Variants in PIEZO2 observed in about 807,000 individuals in gnomAD.
PIEZO2 encodes the protein piezo type mechanosensitive ion channel component 2, also known as piezo-type mechanosensitive ion channel component 2.
Under a neutral mutation model 337.3 loss-of-function variants are expected in PIEZO2, and 172 were observed. The ratio of observed to expected loss-of-function variants is 0.51; its 90% CI spans 0.45 to 0.58. The LOEUF (loss-of-function observed/expected upper bound fraction) is 0.58, where lower values mean the gene tolerates loss of function less well. Among genes scored for constraint, PIEZO2 ranks in the 20% least tolerant of loss-of-function variants. The pLI, the probability that PIEZO2 is intolerant of heterozygous loss-of-function variation, is 0.00. For synonymous variants in PIEZO2, 1,251 were observed against 1,228.5 expected, an observed-to-expected ratio of 1.02 and a Z score of -0.38; for missense variants, 3,028 against 3,391.3, an observed-to-expected ratio of 0.89 and a Z score of 2.66.
At chr18:10,823,884 G>A (rs772571025) in intron 7 of PIEZO2, among the ~76,000 whole-genome samples, 4 of 152,086 alleles carry the variant, frequency 2.6e-5, no homozygotes, top group Admixed American at 6.6e-5. Context: ...GCACATATTC[G>A]CATTCTGCCA....
chr18:11,093,276 A>C (rs1192026170), intron 1 of PIEZO2, among the ~76,000 whole-genome samples: 2 of 152,206 alleles, frequency 1.3e-5, no homozygotes, highest in Non-Finnish European at 2.9e-5. Context: ...ATCCCCAGCC[A>C]ACACCCTACA....
intron 1 of PIEZO2, among the ~76,000 whole-genome samples, chr18:11,135,286 A>C (rs2040449699): frequency 6.6e-6 from 1 of 152,208 alleles, no homozygotes; most frequent in Non-Finnish European, 1.5e-5. Flanking sequence ...AACAAACGCC[A>C]GGGCTATTTT....
At chr18:10,757,405 T>C (rs552992026) in intron 27 of PIEZO2, among the ~76,000 whole-genome samples, 1 of 137,104 alleles carries the variant, frequency 7.3e-6, no homozygotes, top group South Asian at 2.4e-4. Context: ...TGAGAATAAG[T>C]GATGAAGATG....
At chr18:10,867,542 T>A (rs2042037287) in intron 5 of PIEZO2, among the ~76,000 whole-genome samples, 1 of 152,230 alleles carries the variant, frequency 6.6e-6, no homozygotes, top group African/African-American at 2.4e-5. Context: ...CATATTTGAC[T>A]TGTCAGTCTA....
Position 10,769,464 on chromosome 18 carries a change from A to AACTTTTTATAGATTTACAGATATAC in PIEZO2, c.2946+683_2946+684insGTATATCTGTAAATCTATAAAAAGT, listed in dbSNP as rs2038505639. On this transcript the variant is annotated intron_variant, in intron 21 of 55. Transcript: ENST00000674853. ...TAGTTGTGATATTTTACTGTTATAT[A>AACTTTTTATAGATTTACAGATATAC]TGTAACTTTTTAAAGATTATAGGCA... Among the ~76,000 whole-genome samples, 19 of 152,380 alleles carry AACTTTTTATAGATTTACAGATATAC rather than the reference A, an allele frequency of 1.2e-4. No individual in the cohort carries two copies. The East Asian group carries it at 3.7e-3, about 29-fold the overall frequency.
rs1423154514 is a variant in PIEZO2, at chr18:11,002,094, A to C, written c.161-22434T>G. On this transcript the variant is annotated intron_variant, in intron 2 of 55. Coordinates refer to ENST00000674853, the MANE Select transcript of PIEZO2 (RefSeq NM_001378183.1). The surrounding 1 kb of genome is among the most constrained non-coding windows in gnomAD (Gnocchi z 4.3). The stretch of plus-strand genomic sequence containing the variant: ...TGACTCAATTCTGCTACTGTAGCAA[A>C]TAGCCATAGAAAATACATGGACGAA... Among the ~76,000 whole-genome samples the C allele has an allele frequency of 2.6e-5, 4 of 152,238 alleles. No individual in the cohort carries two copies. The highest frequency in any genetic ancestry group is 4.4e-5 in the Non-Finnish European group (3 of 68,046).
rs555637743 is a variant in PIEZO2 at position 11,143,291 on chromosome 18, T to C, written c.64+5234A>G. ...TCCAGATGGCTTATGCTATTCTAAG[T>C]TCTCCTGAATATTTATGCAAAAAAG... On this transcript the variant is annotated intron_variant, in intron 1 of 55. Coordinates refer to ENST00000674853, the MANE Select transcript of PIEZO2 (RefSeq NM_001378183.1). The surrounding 1 kb of genome is among the most constrained non-coding windows in gnomAD (Gnocchi z 4.9). 3.0e-4 allele frequency among the ~76,000 whole-genome samples: 46 copies of C among 152,288 alleles called. No individual in the cohort carries two copies. Among genetic ancestry groups the C allele is most frequent in the Non-Finnish European group, 6.0e-4 (41 of 68,018 alleles).
In PIEZO2 at chr18:10,759,728, C is replaced by T; in HGVS notation, c.3632G>A (p.Gly1211Asp). ...ACCTCGGCAAGGAGCAGGTGGGATG[C>T]CAATGCAGATGAAATACTGGAAGGT... ...IITFQYFICI[G>D]IPPAPCRDYP... The change falls in exon 25 of 56, where the codon GGC (glycine) becomes GAC (aspartate). Residue 1211 changes from glycine (G) to aspartate (D), a missense_variant. By Grantham distance (94) the Gly-to-Asp change is moderately conservative (BLOSUM62 -1). Transcript: ENST00000674853. This position sits in a 1 kb window ranked among gnomAD's most constrained non-coding sequence, Gnocchi z 5.5. 1 of 1,537,302 alleles carries T rather than the reference C, an allele frequency of 6.5e-7. No individual in the cohort carries two copies. Among genetic ancestry groups the T allele is most frequent in the Non-Finnish European group, 8.7e-7 (1 of 1,146,924 alleles).
At chr18:10,921,518 CTT>C (rs2031399373) in intron 3 of PIEZO2, among the ~76,000 whole-genome samples, 2 of 152,120 alleles carry the variant, frequency 1.3e-5, no homozygotes, top group Admixed American at 1.3e-4. Flanking sequence ...TCTTTAATCT[CTT>C]AATCCCATCA....
At chr18:10,919,611 CTCTCA>C (rs1181415199) in intron 3 of PIEZO2, among the ~76,000 whole-genome samples, 1 of 152,148 alleles carries the variant, frequency 6.6e-6, no homozygotes, top group Admixed American at 6.6e-5. Context: ...TGCTTCAACA[CTCTCA>C]TCTATGCATG....
chr18:11,073,370 T>C (rs796922809), intron 1 of PIEZO2, among the ~76,000 whole-genome samples: 3 of 152,206 alleles, frequency 2.0e-5, no homozygotes, highest in African/African-American at 7.2e-5. Context: ...TACAAAAGGG[T>C]TAAGGCTTGT....
intron 2 of PIEZO2, among the ~76,000 whole-genome samples, chr18:11,023,397 C>G (rs1380653265): frequency 6.6e-6 from 1 of 152,170 alleles, no homozygotes; most frequent in African/African-American, 2.4e-5. Flanking sequence ...CTCCAAGTCC[C>G]CACCAGAGTA....
intron 13 of PIEZO2, among the ~76,000 whole-genome samples, chr18:10,792,119 G>A (rs1167421341): frequency 1.3e-5 from 2 of 152,102 alleles, no homozygotes; most frequent in Non-Finnish European, 2.9e-5. Context: ...GCTAGTTTTT[G>A]TATTCTTTTA....
chr18:10,816,848 T>G (rs2040378757), intron 7 of PIEZO2, among the ~76,000 whole-genome samples: 1 of 152,214 alleles, frequency 6.6e-6, no homozygotes, highest in Admixed American at 6.5e-5. Context: ...AAATAGAAAC[T>G]AATACATAGA....
At position 11,026,410 on chromosome 18, in the gene PIEZO2, G is replaced by A. The variant is rs77779940; in HGVS notation, c.160+39717C>T. Among the ~76,000 whole-genome samples the A allele has an allele frequency of 2.9e-3, 437 of 152,072 alleles. 19 individuals carry two copies. The East Asian group carries it at 0.068, about 24-fold the overall frequency. ...AAAGTTAGCCGTCTGCACCCTGACT[G>A]GTCCCTTCTGTGACTTCCCCGTTCC... On this transcript the variant is annotated intron_variant, in intron 2 of 55. Coordinates refer to ENST00000674853, the MANE Select transcript of PIEZO2 (RefSeq NM_001378183.1).
At chr18:10,711,287 A>G (rs978942502) in intron 39 of PIEZO2, among the ~76,000 whole-genome samples, 9 of 152,104 alleles carry the variant, frequency 5.9e-5, no homozygotes, top group South Asian at 2.1e-4. Flanking sequence ...GATGGGATTC[A>G]CCTATGTTTA....
At chr18:11,089,001 CT>C (rs1475667685) in intron 1 of PIEZO2, among the ~76,000 whole-genome samples, 3 of 152,186 alleles carry the variant, frequency 2.0e-5, no homozygotes, top group Non-Finnish European at 4.4e-5. Context: ...AACCACTTTT[CT>C]AGTGTACTGT....
In PIEZO2 at chr18:10,671,790, CA is replaced by C; in HGVS notation, c.8346-12del. The C allele has an allele frequency of 6.3e-7, 1 of 1,592,382 alleles. No homozygotes were observed. Among genetic ancestry groups the C allele is most frequent in the Non-Finnish European group, 8.6e-7 (1 of 1,168,736 alleles). On this transcript the variant is annotated splice_polypyrimidine_tract_variant and intron_variant, in intron 55 of 55. Coordinates refer to ENST00000674853, the MANE Select transcript of PIEZO2 (RefSeq NM_001378183.1). ...TATAATCCCATAATACTGAAAAAAA[CA>C]GTAAGTAGAAATTGCATACAGCAGT...
intron 3 of PIEZO2, among the ~76,000 whole-genome samples, chr18:10,967,050 C>T (rs985125441): frequency 7.7e-6 from 1 of 130,634 alleles, no homozygotes; most frequent in African/African-American, 3.0e-5. Flanking sequence ...TGGAGTTTCA[C>T]TGTGTCACCC....
Sources: gnomAD v4.1 joint callset for allele counts (sites outside exome capture counted in the v4.1 genomes callset) on GRCh38, gnomAD v4.1.1 for gene constraint, Gnocchi (gnomAD v3.1) non-coding constraint, MANE v1.5 for transcripts, NCBI Gene and HGNC (gene_info 2026-07-23, HGNC 2026-07-21) for gene names.